The following TRPM3 variants were observed in gnomAD, a reference collection of about 807,000 sequenced individuals.
TRPM3 encodes the protein long transient receptor potential channel 3.
A neutral mutation model predicts 181.2 loss-of-function variants in TRPM3; 77 were observed. The observed-to-expected ratio is 0.42, with a 90% CI of 0.35 to 0.51. The LOEUF is 0.51. Among genes scored for constraint, TRPM3 ranks in the 20% least tolerant of loss-of-function variants. The pLI is 0.01. For missense variants in TRPM3, 1,759 were observed against 2,196.7 expected, an observed-to-expected ratio of 0.80 and a Z score of 3.98; for synonymous variants, 745 against 796.4, an observed-to-expected ratio of 0.94 and a Z score of 1.09.
chr9:71,317,793 A>G (rs1269778716), intron 1 of TRPM3, among the ~76,000 whole-genome samples: 1 of 152,224 alleles, frequency 6.6e-6, no homozygotes, highest in Non-Finnish European at 1.5e-5. Flanking sequence ...ATCTCACAAA[A>G]TACTTTTGTA....
chr9:71,386,642 G>T (rs547491373), intron 1 of TRPM3, among the ~76,000 whole-genome samples: 3 of 152,150 alleles, frequency 2.0e-5, no homozygotes, highest in African/African-American at 7.2e-5. Context: ...TTTTCATGCT[G>T]CAATGGTAAT....
At chr9:70,548,037 C>A (rs2045491291) in intron 25 of TRPM3, among the ~76,000 whole-genome samples, 1 of 152,224 alleles carries the variant, frequency 6.6e-6, no homozygotes, top group Non-Finnish European at 1.5e-5. Context: ...CCCTACCTCT[C>A]TTTCCCTCCA....
chr9:71,059,711 C>T (rs968165551), intron 1 of TRPM3, among the ~76,000 whole-genome samples: 1 of 152,016 alleles, frequency 6.6e-6, no homozygotes, highest in African/African-American at 2.4e-5. Flanking sequence ...AAATTCTGCC[C>T]CAGGACTGAA....
chr9:70,690,234 T>C lies in TRPM3; in HGVS notation c.1273-8656A>G, dbSNP rs114541673. On this transcript the variant is annotated intron_variant, in intron 8 of 25. Transcript: ENST00000677713. ...AGAAATGATATCTGAGTTTGACAAA[T>C]GGTTTGTAACATGTCTGAGAATTTT... 9.2e-3 allele frequency among the ~76,000 whole-genome samples: 1,395 copies of C among 152,296 alleles called. 17 individuals are homozygous for C. Among genetic ancestry groups the C allele is most frequent in the African/African-American group, 0.032 (1,322 of 41,580 alleles).
At chr9:71,188,028 A>G (rs982459732) in intron 1 of TRPM3, among the ~76,000 whole-genome samples, 2 of 151,956 alleles carry the variant, frequency 1.3e-5, no homozygotes, top group Non-Finnish European at 2.9e-5. Context: ...TCTTTTGATG[A>G]ACATTTAGGT....
In TRPM3 at chr9:70,921,942, A is replaced by ACAC. The variant is rs1554770509; in HGVS notation, c.178-57432_178-57431insGTG. On this transcript the variant is annotated intron_variant, in intron 1 of 25. Coordinates refer to ENST00000677713, the MANE Select transcript of TRPM3 (RefSeq NM_001366145.2). Reference sequence around the variant, plus strand: ...ATACACACACACACACACACAAACAAACACACACACACACACACACACACA... The same window carrying ACAC: ...ATACACACACACACACACACAAACAACACACACACACACACACACACACACACA... Among the ~76,000 whole-genome samples the ACAC allele has an allele frequency of 4.4e-3, 609 of 139,488 alleles. 3 individuals carry two copies. Among genetic ancestry groups the ACAC allele is most frequent in the Middle Eastern group, 0.011 (3 of 284 alleles). 91.5% of individuals were successfully genotyped at this position (139,488 alleles called of 152,430 possible).
At chr9:71,138,214 C>T (rs59698345) in intron 1 of TRPM3, among the ~76,000 whole-genome samples, 1,572 of 152,180 alleles carry the variant, frequency 0.01, 32 homozygotes, top group African/African-American at 0.037. Flanking sequence ...ATAATACTTG[C>T]TTTCTCAAAC....
chr9:70,762,739 G>T (rs907908139), intron 7 of TRPM3, among the ~76,000 whole-genome samples: 1 of 152,142 alleles, frequency 6.6e-6, no homozygotes, highest in Admixed American at 6.5e-5. Flanking sequence ...TATTTCACAG[G>T]CAGGACATTT....
At chr9:71,431,630 A>T (rs2093954832) in intron 1 of TRPM3, among the ~76,000 whole-genome samples, 1 of 152,210 alleles carries the variant, frequency 6.6e-6, no homozygotes, top group African/African-American at 2.4e-5. Flanking sequence ...ATATTGACAA[A>T]AAATTAAAGG....
chr9:70,793,033 T>C (rs2085913070), intron 6 of TRPM3, among the ~76,000 whole-genome samples: 1 of 152,212 alleles, frequency 6.6e-6, no homozygotes, highest in Non-Finnish European at 1.5e-5. Context: ...TGCCACAAAA[T>C]ATTATTCTTT....
At chr9:70,682,140 A>G (rs918650784) in intron 8 of TRPM3, among the ~76,000 whole-genome samples, 8 of 152,172 alleles carry the variant, frequency 5.3e-5, no homozygotes, top group Non-Finnish European at 1.2e-4. Flanking sequence ...CAGCCTGAAT[A>G]GACTAAGACA....
chr9:71,334,151 T>G (rs2132557692), intron 1 of TRPM3, among the ~76,000 whole-genome samples: 1 of 151,844 alleles, frequency 6.6e-6, no homozygotes, highest in Non-Finnish European at 1.5e-5. Context: ...GAAGCTCTGG[T>G]ACAAGTAGGC....
intron 1 of TRPM3, among the ~76,000 whole-genome samples, chr9:71,205,194 C>A (rs1352430826): frequency 1.3e-5 from 2 of 151,452 alleles, no homozygotes; most frequent in Non-Finnish European, 2.9e-5. Flanking sequence ...GCACATGTAC[C>A]CTAAAACTTA....
At chr9:71,256,148 T>C (rs2082657417) in intron 1 of TRPM3, among the ~76,000 whole-genome samples, 1 of 152,214 alleles carries the variant, frequency 6.6e-6, no homozygotes, top group South Asian at 2.1e-4. Flanking sequence ...AAGTTACAAA[T>C]GCTCAACATT....
chr9:71,158,951 T>C (rs1285347672), intron 1 of TRPM3, among the ~76,000 whole-genome samples: 5 of 151,490 alleles, frequency 3.3e-5, no homozygotes, highest in Admixed American at 3.3e-4. Context: ...TTCTCAGGCT[T>C]TTAGAACCCA....
chr9:71,391,032 T>G (rs2093049591), intron 1 of TRPM3, among the ~76,000 whole-genome samples: 1 of 151,960 alleles, frequency 6.6e-6, no homozygotes, highest in Non-Finnish European at 1.5e-5. Context: ...TAGATCCAAA[T>G]GAATAAAACG....
chr9:70,847,187 G>A (rs1469523376), intron 3 of TRPM3, among the ~76,000 whole-genome samples: 1 of 152,092 alleles, frequency 6.6e-6, no homozygotes, highest in African/African-American at 2.4e-5. Flanking sequence ...GAAAATTTGA[G>A]TGTATAGCAA....
chr9:70,951,700 T>C (rs891784101), intron 1 of TRPM3, among the ~76,000 whole-genome samples: 3 of 152,206 alleles, frequency 2.0e-5, no homozygotes, highest in Non-Finnish European at 2.9e-5. Flanking sequence ...TTGTTGCTTA[T>C]ATAACCCAGG....
intron 18 of TRPM3, among the ~76,000 whole-genome samples, chr9:70,612,844 T>A (rs919254696): frequency 2.0e-5 from 3 of 152,348 alleles, no homozygotes; most frequent in African/African-American, 2.4e-5. Flanking sequence ...CTTATTTATA[T>A]GCTTGAGAAT....
Sources: gnomAD v4.1 joint callset for allele counts (sites outside exome capture counted in the v4.1 genomes callset) on GRCh38, gnomAD v4.1.1 for gene constraint, MANE v1.5 for transcripts, NCBI Gene and HGNC (gene_info 2026-07-23, HGNC 2026-07-21) for gene names.